The following PLCG2 variants were observed in gnomAD, a reference collection of about 807,000 sequenced individuals.
The protein encoded by PLCG2 is 1-phosphatidylinositol 4,5-bisphosphate phosphodiesterase gamma-2.
In PLCG2, 69 loss-of-function variants were observed where a neutral mutation model predicts 175.6. The ratio of observed to expected loss-of-function variants is 0.39; its 90% CI spans 0.32 to 0.48. The LOEUF is 0.48. Ranked by LOEUF, PLCG2 falls within the 20% of genes least tolerant of loss-of-function variation. PLCG2 has a pLI of 0.91. For missense variants in PLCG2, 1,798 were observed against 1,650.9 expected (o/e 1.09, Z -1.54); for synonymous variants, 827 against 624.0 (o/e 1.33, Z -4.85).
intron 2 of PLCG2, among the ~76,000 whole-genome samples, chr16:81,820,820 C>G (rs1293842255): frequency 6.7e-6 from 1 of 149,960 alleles, no homozygotes; most frequent in African/African-American, 2.5e-5. Flanking sequence ...AGGGTCTCAT[C>G]ATGTTGGCTA....
intron 1 of PLCG2, among the ~76,000 whole-genome samples, chr16:81,741,549 C>T (rs373171435): frequency 6.6e-6 from 1 of 152,042 alleles, no homozygotes; most frequent in Non-Finnish European, 1.5e-5. Context: ...GTGGCTCACA[C>T]CTTTGATCCC....
At chr16:81,833,601 C>A (rs1228394676) in intron 2 of PLCG2, among the ~76,000 whole-genome samples, 1 of 150,558 alleles carries the variant, frequency 6.6e-6, no homozygotes, top group Non-Finnish European at 1.5e-5. Flanking sequence ...GTGATCACAG[C>A]TCACTGTACC....
intron 17 of PLCG2, among the ~76,000 whole-genome samples, chr16:81,910,064 A>G (rs1471570213): frequency 1.3e-5 from 2 of 152,020 alleles, no homozygotes; most frequent in Non-Finnish European, 2.9e-5. Context: ...CTGAGGGTCT[A>G]GCCTATACTA....
Position 81,849,767 on chromosome 16 carries a change from GTCT to G in PLCG2, c.194-4676_194-4674del, listed in dbSNP as rs1390035403. On this transcript the variant is annotated intron_variant, in intron 2 of 32. Transcript: ENST00000564138. ...GCCTGGGCAACAAGAGCAAAACTCTGTCTCAAAAAAAAAAAAAAAAAAAAAAAA... is the reference window on the plus strand; with the variant it reads ...GCCTGGGCAACAAGAGCAAAACTCTGCAAAAAAAAAAAAAAAAAAAAAAAA... Among the ~76,000 whole-genome samples the G allele has an allele frequency of 1.2e-3, 85 of 73,784 alleles. 1 individual carries two copies. The highest frequency in any genetic ancestry group is 4.7e-3 in the African/African-American group (81 of 17,126). The allele number at this position is 73,784 out of a possible 152,430, so 48.4% of individuals were successfully genotyped here.
At chr16:81,850,820 C>T (rs1906369289) in intron 2 of PLCG2, among the ~76,000 whole-genome samples, 1 of 152,194 alleles carries the variant, frequency 6.6e-6, no homozygotes, top group African/African-American at 2.4e-5. Context: ...TATTATAATG[C>T]AGCCAAGGTG....
chr16:81,861,695 T>C (rs1906989449), intron 5 of PLCG2, among the ~76,000 whole-genome samples: 1 of 152,200 alleles, frequency 6.6e-6, no homozygotes, highest in East Asian at 1.9e-4. Flanking sequence ...CTGTGGCTTA[T>C]GATGATTCAT....
At chr16:81,741,939 C>G (rs1909603394) in intron 1 of PLCG2, among the ~76,000 whole-genome samples, 1 of 152,168 alleles carries the variant, frequency 6.6e-6, no homozygotes, top group Admixed American at 6.5e-5. Flanking sequence ...CCATAGTTAA[C>G]CATATTCACC....
chr16:81,785,163 C>G (rs1198485408), intron 1 of PLCG2, among the ~76,000 whole-genome samples: 2 of 152,130 alleles, frequency 1.3e-5, no homozygotes, highest in Admixed American at 6.5e-5. Flanking sequence ...AAGGATTCCT[C>G]CAAGGTTTTG....
In PLCG2 at chr16:81,896,437, G is replaced by T. The variant is rs569792753; in HGVS notation, c.1193+510G>T. Among the ~76,000 whole-genome samples, 11 of 150,362 alleles carry T rather than the reference G, an allele frequency of 7.3e-5. No individual in the cohort carries two copies. The South Asian group carries it at 2.3e-3, about 31-fold the overall frequency. On this transcript the variant is annotated intron_variant, in intron 13 of 32. Transcript: ENST00000564138. Reference sequence around the variant, plus strand: ...ACACACACACACACAAATCATCTGGGTGTAGTGGCATGTGCCTGTAGTCCC... The same window carrying T: ...ACACACACACACACAAATCATCTGGTTGTAGTGGCATGTGCCTGTAGTCCC...
chr16:81,749,086 C>T (rs1029500066), intron 1 of PLCG2, among the ~76,000 whole-genome samples: 2 of 152,032 alleles, frequency 1.3e-5, no homozygotes, highest in African/African-American at 4.8e-5. Context: ...CACAAGGGGG[C>T]CCCTCAGTCA....
At chr16:81,750,335 C>T (rs557973771) in intron 1 of PLCG2, among the ~76,000 whole-genome samples, 1 of 150,954 alleles carries the variant, frequency 6.6e-6, no homozygotes, top group Admixed American at 6.6e-5. Flanking sequence ...CAGAAGAATC[C>T]CTTGAACCTG....
chr16:81,899,289 T>TATATATATATACACACAC (rs908648451), intron 13 of PLCG2, among the ~76,000 whole-genome samples: 40 of 92,450 alleles, frequency 4.3e-4, no homozygotes, highest in African/African-American at 1.3e-3. Flanking sequence ...TATATATATA[T>TATATATATATACACACAC]ACACACACAC....
intron 25 of PLCG2, among the ~76,000 whole-genome samples, chr16:81,933,228 C>T (rs560118013): frequency 1.3e-5 from 2 of 152,264 alleles, no homozygotes; most frequent in South Asian, 4.1e-4. Flanking sequence ...GTTATTACAT[C>T]TGAGGGGTAA....
chr16:81,949,915 C>A (rs192586840), intron 31 of PLCG2, among the ~76,000 whole-genome samples: 3 of 152,172 alleles, frequency 2.0e-5, no homozygotes, highest in South Asian at 4.1e-4. Context: ...AACTATACTG[C>A]AGAGGGAGAT....
At chr16:81,831,073 A>C (rs1007100506) in intron 2 of PLCG2, among the ~76,000 whole-genome samples, 2 of 152,116 alleles carry the variant, frequency 1.3e-5, no homozygotes, top group African/African-American at 4.8e-5. Flanking sequence ...CCCAGATGTC[A>C]CCACCTCTGG....
intron 2 of PLCG2, among the ~76,000 whole-genome samples, chr16:81,811,368 T>A (rs1468232934): frequency 6.6e-6 from 1 of 152,196 alleles, no homozygotes; most frequent in African/African-American, 2.4e-5. Flanking sequence ...GTTTTGCACG[T>A]CGGGGTTCAG....
At chr16:81,866,790 G>A (rs1907260976) in intron 5 of PLCG2, among the ~76,000 whole-genome samples, 1 of 152,158 alleles carries the variant, frequency 6.6e-6, no homozygotes, top group Admixed American at 6.5e-5. Flanking sequence ...GCATGATCTG[G>A]CTCCTCTCCC....
At chr16:81,753,325 T>G (rs1909850949) in intron 1 of PLCG2, among the ~76,000 whole-genome samples, 1 of 149,938 alleles carries the variant, frequency 6.7e-6, no homozygotes, top group Admixed American at 6.6e-5. Context: ...TTCAGCATTG[T>G]GTTAAAGTCC....
chr16:81,846,155 C>G (rs1048217596), intron 2 of PLCG2, among the ~76,000 whole-genome samples: 1 of 152,186 alleles, frequency 6.6e-6, no homozygotes, highest in Non-Finnish European at 1.5e-5. Flanking sequence ...GGGCACTGCT[C>G]TCACTAGAAG....
Sources: allele counts gnomAD v4.1 joint callset (sites outside exome capture counted in the v4.1 genomes callset), GRCh38; gene constraint gnomAD v4.1.1; transcripts MANE v1.5; gene names NCBI Gene and HGNC (gene_info 2026-07-23, HGNC 2026-07-21).